The following OTOG variants were observed in gnomAD, a reference collection of about 807,000 sequenced individuals.
OTOG encodes the protein otogelin.
Under a neutral mutation model 313.8 loss-of-function variants are expected in OTOG, and 296 were observed. The observed-to-expected ratio is 0.94, with a 90% CI of 0.86 to 1.04. OTOG has a LOEUF of 1.04. Ranked by LOEUF, OTOG falls within the 50% of genes least tolerant of loss-of-function variation. The probability of loss-of-function intolerance (pLI) is 0.00; values close to 1 mark genes in which losing one functional copy is unlikely to be tolerated. For synonymous variants in OTOG, 1,533 were observed against 1,554.9 expected (o/e 0.99, Z 0.33); for missense variants, 3,948 against 3,840.1 (o/e 1.03, Z -0.74).
chr11:17,583,841 C>G (rs1852731288), intron 23 of OTOG, among the ~76,000 whole-genome samples: 2 of 149,578 alleles, frequency 1.3e-5, no homozygotes, highest in African/African-American at 4.9e-5. Context: ...CAATTTCTAC[C>G]AAAAAAAAAG....
chr11:17,637,387 C>T (rs16934562), intron 47 of OTOG, among the ~76,000 whole-genome samples: 2,766 of 152,236 alleles, frequency 0.018, 87 homozygotes, highest in African/African-American at 0.062. Context: ...ATCTCTCATC[C>T]TAGCACAGGT....
intron 39 of OTOG, among the ~76,000 whole-genome samples, chr11:17,623,949 TG>T (rs1853922542): frequency 1.3e-5 from 2 of 152,242 alleles, no homozygotes; most frequent in Admixed American, 1.3e-4. Context: ...TGTCTTCTCT[TG>T]AGAAGTGTCT....
rs748088599 is a variant in OTOG at position 17,610,926 on chromosome 11, C to T, written c.5626C>T (p.Leu1876=). 7.5e-5 allele frequency: 116 copies of T among 1,550,290 alleles called. No individual in the cohort carries two copies. The highest frequency in any genetic ancestry group is 9.5e-5 in the Non-Finnish European group (109 of 1,146,968). Residue 1876 remains leucine (L), a synonymous_variant, in exon 36 of 56, where the codon CTG becomes TTG. Coordinates refer to ENST00000399397, the MANE Select transcript of OTOG (RefSeq NM_001292063.2). ...APPAAGTAPG[L]LLGATLPTSG... is the part of the protein sequence containing the mutation. ...CCCAGCAGCAGGCACAGCTCCAGGC[C>T]TGCTGCTGGGAGCCACATTGCCAAC...
intron 40 of OTOG, among the ~76,000 whole-genome samples, chr11:17,630,877 G>A (rs57421993): frequency 0.015 from 2,327 of 152,276 alleles, 67 homozygotes; most frequent in African/African-American, 0.053. Context: ...TTAAAAGCTA[G>A]GACAGATAAA....
In OTOG at chr11:17,557,272, C is replaced by T; in HGVS notation, c.814C>T (p.Leu272=). Residue 272 remains leucine, a synonymous_variant, in exon 8 of 56, where the codon CTG becomes TTG. Coordinates refer to ENST00000399397, the MANE Select transcript of OTOG (RefSeq NM_001292063.2). ...AGAGCTTCTGGGCTGGACCCATGGG[C>T]TGTGTGGGAACAACAATGCTGACCC... The part of the protein sequence containing the change: ...SPELLGWTHG[L]CGNNNADPKD... 1 of 1,550,602 alleles carries T rather than the reference C, an allele frequency of 6.4e-7. No individual in the cohort carries two copies. Among genetic ancestry groups the T allele is most frequent in the South Asian group, 1.2e-5 (1 of 84,064 alleles).
intron 3 of OTOG, among the ~76,000 whole-genome samples, chr11:17,548,752 CT>C (rs1851867953): frequency 1.3e-5 from 2 of 151,976 alleles, no homozygotes; most frequent in African/African-American, 4.8e-5. Flanking sequence ...GGGTCTTGCT[CT>C]GTGACACAGG....
intron 31 of OTOG, among the ~76,000 whole-genome samples, chr11:17,601,592 C>A (rs1417898462): frequency 7.9e-6 from 1 of 125,900 alleles, no homozygotes; most frequent in East Asian, 2.3e-4. Context: ...TGCGTCCCAC[C>A]AGGGGGCGTG....
chr11:17,550,881 T>G (rs1035046542), intron 3 of OTOG, among the ~76,000 whole-genome samples: 2 of 152,126 alleles, frequency 1.3e-5, no homozygotes, highest in Non-Finnish European at 2.9e-5. Flanking sequence ...AGGAAGACCA[T>G]GAAGATGAAA....
chr11:17,578,162 G>C, intron 22 of OTOG: 1 of 1,102,102 alleles, frequency 9.1e-7, no homozygotes, highest in Non-Finnish European at 1.2e-6. Context: ...GATGGGTCCT[G>C]GTGGCCGCAG....
intron 17 of OTOG, among the ~76,000 whole-genome samples, chr11:17,571,546 C>A (rs899932249): frequency 6.6e-6 from 1 of 152,154 alleles, no homozygotes; most frequent in African/African-American, 2.4e-5. Context: ...AGCCAAAGGG[C>A]GAGCCAAGGA....
chr11:17,591,492 C>A lies in OTOG; in HGVS notation c.2910C>A (p.Cys970Ter). Residue 970 changes from cysteine (C) to a stop codon, truncating the protein, a stop_gained, in exon 25 of 56, where the codon TGC becomes TGA. Transcript: ENST00000399397. LOFTEE classifies it high-confidence loss of function. ...CATTCCAGTGCACCCTGCACCCTTG[C>A]GCCTCCACCTGCACTGCCTATGGGG... The part of the protein sequence containing the change: ...RGSFQCTLHP[C>*]ASTCTAYGDR... 1 of 1,550,726 alleles carries A rather than the reference C, an allele frequency of 6.4e-7. No individual in the cohort carries two copies. Among genetic ancestry groups the A allele is most frequent in the South Asian group, 1.2e-5 (1 of 84,068 alleles).
chr11:17,621,119 C>T (rs1853854829), intron 39 of OTOG, among the ~76,000 whole-genome samples: 1 of 152,072 alleles, frequency 6.6e-6, no homozygotes, highest in South Asian at 2.1e-4. Context: ...GTTGTATTTT[C>T]CTGCTTCTTT....
Position 17,609,852 on chromosome 11 carries a change from G to A in OTOG, c.4552G>A (p.Glu1518Lys). The change falls in exon 36 of 56, where the codon GAG becomes AAG. Residue 1518 changes from glutamate to lysine, a missense_variant. Coordinates refer to ENST00000399397, the MANE Select transcript of OTOG (RefSeq NM_001292063.2). Reference protein sequence around the residue: ...ALNPPVTATEEPVVSPGPTQT... With the variant: ...ALNPPVTATEKPVVSPGPTQT... Reference sequence around the variant, plus strand: ...GAACCCACCAGTGACAGCCACTGAGGAGCCAGTGGTGTCTCCAGGCCCCAC... The same window carrying A: ...GAACCCACCAGTGACAGCCACTGAGAAGCCAGTGGTGTCTCCAGGCCCCAC... 1.3e-6 allele frequency: 2 copies of A among 1,518,778 alleles called. No homozygotes were observed. The highest frequency in any genetic ancestry group is 2.5e-5 in the East Asian group (1 of 40,440). 94.1% of individuals were successfully genotyped at this position (1,518,778 alleles called of 1,614,324 possible).
intron 54 of OTOG, among the ~76,000 whole-genome samples, chr11:17,644,195 G>A (rs561200442): frequency 6.6e-6 from 1 of 152,362 alleles, no homozygotes; most frequent in Non-Finnish European, 1.5e-5. Flanking sequence ...CCGCTCACCT[G>A]GCACCCACCA....
At position 17,634,145 on chromosome 11, in the gene OTOG, C is replaced by G. The variant is rs1437396091; in HGVS notation, c.7344C>G (p.His2448Gln). 2 of 1,549,792 alleles carry G rather than the reference C, an allele frequency of 1.3e-6. No homozygotes were observed. The highest frequency in any genetic ancestry group is 2.0e-5 in the Admixed American group (1 of 51,004). The stretch of plus-strand genomic sequence containing the variant: ...GCTCCCTCAGCGGCTGCTGCCAGCA[C>G]CAGTGCCAAGCCCCAGACACCATTG... Reference protein sequence around the residue: ...WNSSLSGCCQHQCQAPDTIVP... With the variant: ...WNSSLSGCCQQQCQAPDTIVP... The change falls in exon 44 of 56, where the codon CAC (histidine) becomes CAG (glutamine). Residue 2448 changes from histidine (H) to glutamine (Q), a missense_variant. His to Gln is a conservative substitution (Grantham distance 24). Transcript: ENST00000399397.
intron 15 of OTOG, among the ~76,000 whole-genome samples, chr11:17,567,401 G>T (rs1271296098): frequency 6.6e-6 from 1 of 152,192 alleles, no homozygotes; most frequent in East Asian, 1.9e-4. Flanking sequence ...TCACTCTCCT[G>T]GTTCACTTTC....
chr11:17,594,836 G>T (rs1853053720), intron 28 of OTOG, among the ~76,000 whole-genome samples: 2 of 152,178 alleles, frequency 1.3e-5, no homozygotes, highest in East Asian at 3.9e-4. Context: ...AGGGGACTGG[G>T]CCAAGAGAGG....
intron 30 of OTOG, among the ~76,000 whole-genome samples, chr11:17,598,181 T>C (rs1055434903): frequency 6.6e-6 from 1 of 151,904 alleles, no homozygotes; most frequent in African/African-American, 2.4e-5. Context: ...TAGGGGGAGG[T>C]GATTGAGGTG....
intron 30 of OTOG, among the ~76,000 whole-genome samples, chr11:17,597,553 C>A (rs1415703970): frequency 2.0e-5 from 3 of 152,158 alleles, no homozygotes; most frequent in South Asian, 2.1e-4. Context: ...TGGTGGTCTG[C>A]AGATGCTTTT....
Sources: gnomAD v4.1 joint callset for allele counts (sites outside exome capture counted in the v4.1 genomes callset) on GRCh38, gnomAD v4.1.1 for gene constraint, MANE v1.5 for transcripts, NCBI Gene and HGNC (gene_info 2026-07-23, HGNC 2026-07-21) for gene names.